The following RNF125 variants were observed in gnomAD, a reference collection of about 807,000 sequenced individuals.
RNF125 encodes ring finger protein 125.
A neutral mutation model predicts 26.0 loss-of-function variants in RNF125; 21 were observed. That is an observed-to-expected ratio of 0.81 (90% CI 0.57 to 1.16). The LOEUF (loss-of-function observed/expected upper bound fraction) is 1.16, where lower values mean the gene tolerates loss of function less well. Ranked by LOEUF, RNF125 falls within the 50% of genes most tolerant of loss-of-function variation. The probability of loss-of-function intolerance (pLI) is 0.00; values close to 1 mark genes in which losing one functional copy is unlikely to be tolerated. For synonymous variants in RNF125, 95 were observed against 109.2 expected (o/e 0.87, Z 0.81); for missense variants, 270 against 299.4 (o/e 0.90, Z 0.72).
chr18:32,090,495 C>T, the RNF125 span, among the ~76,000 whole-genome samples: 1 of 152,150 alleles, frequency 6.6e-6, no homozygotes, highest in African/African-American at 2.4e-5. Context: ...AGGGAATTAG[C>T]TATTCATTGG....
intron 4 of RNF125, among the ~76,000 whole-genome samples, chr18:32,047,156 C>T (rs535291734): frequency 2.6e-5 from 4 of 152,304 alleles, no homozygotes; most frequent in African/African-American, 7.2e-5. Context: ...CCTGCCTCAG[C>T]CTCCTGAGTA....
intron 2 of RNF125, 95 bp downstream of exon 2, chr18:32,037,364 CTTT>C (rs796828237): frequency 0.031 from 4,074 of 131,930 alleles, no homozygotes; most frequent in South Asian, 0.054. Context: ...TGGTACGCAC[CTTT>C]TTTTTTTTTT....
the RNF125 span, among the ~76,000 whole-genome samples, chr18:32,080,809 G>T: frequency 6.6e-6 from 1 of 152,352 alleles, no homozygotes; most frequent in African/African-American, 2.4e-5. Flanking sequence ...CCGGGAGGCG[G>T]AGCTTGCAGT....
chr18:32,068,275 CTAAT>C lies in RNF125; in HGVS notation c.613-20_613-17del. 7.8e-7 allele frequency: 1 copy of C among 1,280,084 alleles called. No homozygotes were observed. Among genetic ancestry groups the C allele is most frequent in the Non-Finnish European group, 1.1e-6 (1 of 880,544 alleles). The allele number at this position is 1,280,084 out of a possible 1,614,324, so 79.3% of individuals were successfully genotyped here. A position where few individuals can be genotyped will look rare whatever the true frequency, so the allele number is the denominator to read the frequency against. ...GAAATACTATTGACTCTGAATATTTCTAATTATTTTTCTTTATTGTAGGATTTTA... is the reference window on the plus strand; with the variant it reads ...GAAATACTATTGACTCTGAATATTTCTATTTTTCTTTATTGTAGGATTTTA... On this transcript the variant is annotated intron_variant, in intron 5 of 5. Coordinates refer to ENST00000217740, the MANE Select transcript of RNF125 (RefSeq NM_017831.4).
Position 32,044,924 on chromosome 18 carries a change from C to T in RNF125, c.414-718C>T, listed in dbSNP as rs189112274. ...TTGCTTGAGCTCAGGAGTTTGAGAC[C>T]AGCTTGGGCAACATGGTGAAACTCC... On this transcript the variant is annotated intron_variant, in intron 3 of 5. Coordinates refer to ENST00000217740, the MANE Select transcript of RNF125 (RefSeq NM_017831.4). 4.1e-3 allele frequency among the ~76,000 whole-genome samples: 622 copies of T among 151,786 alleles called. 7 individuals carry two copies. The highest frequency in any genetic ancestry group is 0.015 in the African/African-American group (605 of 41,402).
chr18:32,080,579 G>C, the RNF125 span, among the ~76,000 whole-genome samples: 1 of 152,236 alleles, frequency 6.6e-6, no homozygotes, highest in African/African-American at 2.4e-5. Context: ...AATGGTAGTT[G>C]AAAGTAGAAA....
chr18:32,060,657 T>C (rs1280045440), intron 4 of RNF125, among the ~76,000 whole-genome samples: 1 of 152,184 alleles, frequency 6.6e-6, no homozygotes, highest in South Asian at 2.1e-4. Context: ...ACTTAGGTAA[T>C]CTTCAGTCTG....
rs767749159 is a variant in RNF125, at chr18:32,065,915, G to C, written c.518G>C (p.Cys173Ser). 5.0e-6 allele frequency: 8 copies of C among 1,611,048 alleles called. No individual in the cohort carries two copies. The South Asian group carries it at 8.8e-5, about 18-fold the overall frequency. Reference protein sequence around the residue: ...SERRPVFCPLCRLIPDENPSS... With the variant: ...SERRPVFCPLSRLIPDENPSS... ...GTTTGTTTCCAGTTCTGTCCACTTTGCCGTTTAATACCCGATGAGAATCCA... is the reference window on the plus strand; with the variant it reads ...GTTTGTTTCCAGTTCTGTCCACTTTCCCGTTTAATACCCGATGAGAATCCA... The change falls in exon 5 of 6, where the codon TGC (cysteine) becomes TCC (serine). Residue 173 changes from cysteine to serine, a missense_variant. By Grantham distance (112) the Cys-to-Ser change is moderately radical. Transcript: ENST00000217740.
chr18:32,064,149 C>T (rs2039460193), intron 4 of RNF125, among the ~76,000 whole-genome samples: 6 of 151,918 alleles, frequency 3.9e-5, no homozygotes, highest in Admixed American at 3.9e-4. Context: ...TGTGCACCAC[C>T]ACGCCTGGCT....
At chr18:32,060,964 A>T (rs1440494338) in intron 4 of RNF125, among the ~76,000 whole-genome samples, 1 of 152,230 alleles carries the variant, frequency 6.6e-6, no homozygotes, top group Non-Finnish European at 1.5e-5. Flanking sequence ...GTTCAAGGCC[A>T]GCCTGGTCAA....
chr18:32,051,571 T>C (rs1457662084), intron 4 of RNF125, among the ~76,000 whole-genome samples: 1 of 130,368 alleles, frequency 7.7e-6, no homozygotes, highest in African/African-American at 2.9e-5. Flanking sequence ...GCCAAAATCA[T>C]GCCATTGCAC....
chr18:32,073,193 T>A lies in RNF125; in HGVS notation c.*4809T>A, dbSNP rs751906604. On this transcript the variant is annotated 3_prime_UTR_variant, in exon 6 of 6. Transcript: ENST00000217740. ...CAGGACCATTGTTTTTATTAAAATA[T>A]CTACTGTGTCTATTCTTAAACATTA... is the stretch of plus-strand genomic sequence containing the variant. The A allele has an allele frequency of 6.6e-6, 1 of 152,236 alleles. No homozygotes were observed. The highest frequency in any genetic ancestry group is 1.5e-5 in the Non-Finnish European group (1 of 68,040). The allele number at this position is 152,236 out of a possible 1,614,324, so 9.4% of individuals were successfully genotyped here. A position where few individuals can be genotyped will look rare whatever the true frequency, so the allele number is the denominator to read the frequency against.
chr18:32,031,429 A>G (rs2039092261), intron 1 of RNF125: 1 of 138,726 alleles, frequency 7.2e-6, no homozygotes, highest in Non-Finnish European at 1.5e-5. Context: ...TGTCCGCCAT[A>G]GGGCTCGGCA....
At chr18:32,074,211 C>T (rs2039554402), downstream of RNF125, among the ~76,000 whole-genome samples, 1 of 152,184 alleles carries the variant, frequency 6.6e-6, no homozygotes, top group Admixed American at 6.5e-5. Flanking sequence ...TTGTATATCA[C>T]TGTGTGTTCC....
chr18:32,066,340 T>G lies in RNF125; in HGVS notation c.612+331T>G, dbSNP rs547629657. Among the ~76,000 whole-genome samples, 34 of 152,002 alleles carry G rather than the reference T, an allele frequency of 2.2e-4. 1 individual carries two copies. Among genetic ancestry groups the G allele is most frequent in the Admixed American group, 5.9e-4 (9 of 15,242 alleles). ...CAGGCATGGTGGTACACGCCTGTAGTCCCAGCTACTCGGTAGGCTGAGGCA... is the reference window on the plus strand; with the variant it reads ...CAGGCATGGTGGTACACGCCTGTAGGCCCAGCTACTCGGTAGGCTGAGGCA... On this transcript the variant is annotated intron_variant, in intron 5 of 5. Transcript: ENST00000217740.
At chr18:32,042,020 A>C (rs2039225467) in intron 2 of RNF125, 159 bp from the exon 3 acceptor site, 1 of 624,214 alleles carries the variant, frequency 1.6e-6, no homozygotes, top group Non-Finnish European at 2.8e-6. Context: ...TATTCTTGAT[A>C]ATGCCTTAAT....
At chr18:32,042,132 G>A (rs1282393000) in intron 2 of RNF125, 47 bp from the exon 3 acceptor site, 2 of 1,355,330 alleles carry the variant, frequency 1.5e-6, no homozygotes, top group Non-Finnish European at 2.1e-6. Flanking sequence ...AGCTTTCATT[G>A]AGCCCTTTTT....
chr18:32,086,356 T>TG, the RNF125 span, among the ~76,000 whole-genome samples: 13 of 27,682 alleles, frequency 4.7e-4, 1 homozygote, highest in South Asian at 0.012. Flanking sequence ...GATATTTGTG[T>TG]TTTTTTTTTT....
chr18:32,086,483 C>T, the RNF125 span, among the ~76,000 whole-genome samples: 1 of 151,502 alleles, frequency 6.6e-6, no homozygotes. Flanking sequence ...TCCCGAGTAG[C>T]TGGGATTACA....
Sources: allele counts gnomAD v4.1 joint callset (sites outside exome capture counted in the v4.1 genomes callset), GRCh38; gene constraint gnomAD v4.1.1; transcripts MANE v1.5; gene names NCBI Gene and HGNC (gene_info 2026-07-23, HGNC 2026-07-21).